ADGRL3: variants seen among roughly 807,000 people sequenced by gnomAD.
ADGRL3 encodes the protein calcium-independent alpha-latrotoxin receptor 3.
In ADGRL3, 62 loss-of-function variants were observed where a neutral mutation model predicts 153.5. The ratio of observed to expected loss-of-function variants is 0.40; its 90% CI spans 0.33 to 0.50. The LOEUF (loss-of-function observed/expected upper bound fraction) is 0.50, where lower values mean the gene tolerates loss of function less well. ADGRL3 is among the 20% of genes least tolerant of loss of function. The pLI, the probability that ADGRL3 is intolerant of heterozygous loss-of-function variation, is 0.47. For missense variants in ADGRL3, 1,641 were observed against 1,859.4 expected, an observed-to-expected ratio of 0.88 and a Z score of 2.16; for synonymous variants, 710 against 672.5, an observed-to-expected ratio of 1.06 and a Z score of -0.86.
At chr4:61,486,195 C>T (rs528746601) in intron 2 of ADGRL3, among the ~76,000 whole-genome samples, 21 of 152,162 alleles carry the variant, frequency 1.4e-4, no homozygotes, top group Non-Finnish European at 2.9e-4. Context: ...CTGCCCACCT[C>T]GGCCTCCCAA....
At chr4:61,238,466 TG>T (rs1753685776) in intron 1 of ADGRL3, among the ~76,000 whole-genome samples, 3 of 151,922 alleles carry the variant, frequency 2.0e-5, no homozygotes, top group Non-Finnish European at 2.9e-5. Context: ...TGTGTGTGTG[TG>T]TGTGTGTGTA....
intron 4 of ADGRL3, among the ~76,000 whole-genome samples, chr4:61,578,522 T>G (rs1464977016): frequency 1.3e-5 from 2 of 152,218 alleles, no homozygotes; most frequent in Middle Eastern, 3.4e-3. Flanking sequence ...ATCTCTTTAT[T>G]ATGTCATTAT....
chr4:61,968,860 T>G (rs1223868007), intron 17 of ADGRL3, among the ~76,000 whole-genome samples: 3 of 152,336 alleles, frequency 2.0e-5, no homozygotes, highest in African/African-American at 7.2e-5. Context: ...TGCAGATAGA[T>G]GAGTACAGTC....
At chr4:62,039,266 C>T (rs1243008572) in intron 24 of ADGRL3, among the ~76,000 whole-genome samples, 1 of 152,052 alleles carries the variant, frequency 6.6e-6, no homozygotes, top group Non-Finnish European at 1.5e-5. Context: ...TCAAACACAT[C>T]AACTGTCAGA....
chr4:61,537,726 A>G (rs2098665562), intron 4 of ADGRL3, among the ~76,000 whole-genome samples: 1 of 152,126 alleles, frequency 6.6e-6, no homozygotes, highest in African/African-American at 2.4e-5. Flanking sequence ...TTCTGTATAG[A>G]GAGAGACATT....
At chr4:61,495,369 T>G (rs2152801718) in intron 2 of ADGRL3, among the ~76,000 whole-genome samples, 1 of 151,626 alleles carries the variant, frequency 6.6e-6, no homozygotes, top group Admixed American at 6.6e-5. Context: ...AAAATTTAAT[T>G]CTAAAACTCT....
At chr4:61,233,553 C>A (rs538481584) in intron 1 of ADGRL3, among the ~76,000 whole-genome samples, 1 of 152,014 alleles carries the variant, frequency 6.6e-6, no homozygotes, top group Non-Finnish European at 1.5e-5. Flanking sequence ...GAGAAGGTGA[C>A]ATTTGAACAA....
At chr4:61,774,532 G>A (rs1220851863) in intron 8 of ADGRL3, among the ~76,000 whole-genome samples, 3 of 151,876 alleles carry the variant, frequency 2.0e-5, no homozygotes, top group Admixed American at 2.0e-4. Flanking sequence ...TAAACTGTAT[G>A]GGAGGATGTG....
intron 9 of ADGRL3, among the ~76,000 whole-genome samples, chr4:61,877,864 G>A (rs2098484448): frequency 6.6e-6 from 1 of 152,074 alleles, no homozygotes; most frequent in Non-Finnish European, 1.5e-5. Flanking sequence ...ATTGGATCCT[G>A]GGAACAGTTC....
chr4:61,293,821 T>TC (rs1215915721), intron 1 of ADGRL3, among the ~76,000 whole-genome samples: 2 of 152,192 alleles, frequency 1.3e-5, no homozygotes, highest in African/African-American at 4.8e-5. Flanking sequence ...AAATCCTAGC[T>TC]CTGACCTTCC....
intron 1 of ADGRL3, among the ~76,000 whole-genome samples, chr4:61,367,668 T>C (rs1299504450): frequency 6.8e-6 from 1 of 147,478 alleles, no homozygotes; most frequent in Non-Finnish European, 1.5e-5. Flanking sequence ...TCCAAGTCTT[T>C]GCTATTGTGA....
chr4:61,511,122 G>T (rs78116163), intron 3 of ADGRL3, among the ~76,000 whole-genome samples: 2,376 of 152,082 alleles, frequency 0.016, 75 homozygotes, highest in African/African-American at 0.055. Context: ...CTGTGGGAGG[G>T]CAAGGTGGGC....
intron 9 of ADGRL3, among the ~76,000 whole-genome samples, chr4:61,856,754 G>C (rs1009673376): frequency 1.3e-5 from 2 of 150,996 alleles, no homozygotes; most frequent in Non-Finnish European, 3.0e-5. Flanking sequence ...ACAGGCATGT[G>C]CCACTACATA....
At chr4:61,663,489 GA>G (rs1463255875) in intron 5 of ADGRL3, among the ~76,000 whole-genome samples, 1 of 152,208 alleles carries the variant, frequency 6.6e-6, no homozygotes, top group Non-Finnish European at 1.5e-5. Flanking sequence ...GTGTGCAGCG[GA>G]TGGACCCTTT....
intron 8 of ADGRL3, among the ~76,000 whole-genome samples, chr4:61,764,594 G>T (rs188590383): frequency 0.025 from 3,792 of 152,078 alleles, 100 homozygotes; most frequent in East Asian, 0.076. Context: ...GTGGGGCAGG[G>T]CATATTCACT....
At chr4:61,644,587 T>G (rs2093868372) in intron 5 of ADGRL3, among the ~76,000 whole-genome samples, 1 of 152,194 alleles carries the variant, frequency 6.6e-6, no homozygotes, top group African/African-American at 2.4e-5. Context: ...TCCATGTAGT[T>G]GAGCGGTTTT....
intron 3 of ADGRL3, among the ~76,000 whole-genome samples, chr4:61,503,578 A>G (rs2098406716): frequency 6.6e-6 from 1 of 152,048 alleles, no homozygotes; most frequent in Admixed American, 6.6e-5. Context: ...AATTATAAGC[A>G]TTCTTCATAA....
intron 4 of ADGRL3, among the ~76,000 whole-genome samples, chr4:61,524,009 A>G (rs1033961149): frequency 5.9e-5 from 9 of 152,216 alleles, no homozygotes; most frequent in African/African-American, 2.2e-4. Flanking sequence ...GTTTCATTAA[A>G]CTATTGAGCA....
At chr4:61,851,085 C>T (rs182372096) in intron 9 of ADGRL3, among the ~76,000 whole-genome samples, 70 of 151,942 alleles carry the variant, frequency 4.6e-4, no homozygotes, top group South Asian at 1.5e-3. Flanking sequence ...TATTTTTAAA[C>T]GTGTAATTTT....
Sources: gnomAD v4.1 joint callset for allele counts (sites outside exome capture counted in the v4.1 genomes callset) on GRCh38, gnomAD v4.1.1 for gene constraint, MANE v1.5 for transcripts, NCBI Gene and HGNC (gene_info 2026-07-23, HGNC 2026-07-21) for gene names.